VPS37B: variants seen among roughly 807,000 people sequenced by gnomAD.
VPS37B encodes VPS37B subunit of ESCRT-I.
A neutral mutation model predicts 21.2 loss-of-function variants in VPS37B; 11 were observed. That is an observed-to-expected ratio of 0.52 (90% CI 0.33 to 0.86). The LOEUF is 0.86. VPS37B is among the 40% of genes least tolerant of loss of function. VPS37B has a pLI of 0.03. For synonymous variants in VPS37B, 175 were observed against 159.6 expected (o/e 1.10, Z -0.73); for missense variants, 389 against 374.8 (o/e 1.04, Z -0.31).
Position 122,866,666 on chromosome 12 carries a change from C to A in VPS37B, c.*450G>T, listed in dbSNP as rs564067318. 6.5e-6 allele frequency: 1 copy of A among 154,062 alleles called. No individual in the cohort carries two copies. Among genetic ancestry groups the A allele is most frequent in the East Asian group, 1.9e-4 (1 of 5,238 alleles). 9.5% of individuals were successfully genotyped at this position (154,062 alleles called of 1,614,324 possible). On this transcript the variant is annotated 3_prime_UTR_variant, in exon 4 of 4. Coordinates refer to ENST00000267202, the MANE Select transcript of VPS37B (RefSeq NM_024667.3). ...GCCCAGCCACGGCGCTCTTCCAGGC[C>A]GGCCGGCGCCCACCCGCCCTCACCA... is the stretch of plus-strand genomic sequence containing the variant.
At chr12:122,872,363 C>T (rs1003516446) in intron 1 of VPS37B, 1 of 985,352 alleles carries the variant, frequency 1.0e-6, no homozygotes, top group Non-Finnish European at 1.2e-6. Flanking sequence ...CAGCTGCACC[C>T]AGGGCCCTAA....
intron 1 of VPS37B, chr12:122,887,715 T>G (rs1385149757): frequency 6.6e-6 from 1 of 152,264 alleles, no homozygotes; most frequent in Non-Finnish European, 1.5e-5. Flanking sequence ...TGCATGATCC[T>G]AAATGATGAA....
At chr12:122,872,478 G>A in intron 1 of VPS37B, 1 of 985,404 alleles carries the variant, frequency 1.0e-6, no homozygotes, top group South Asian at 4.7e-5. Context: ...AATGTGGGTG[G>A]TAGAAATGCT....
intron 1 of VPS37B, among the ~76,000 whole-genome samples, chr12:122,893,351 G>A (rs2034443742): frequency 6.6e-6 from 1 of 152,146 alleles, no homozygotes. Context: ...AGATACTCAG[G>A]CAGGTGAAGT....
intron 1 of VPS37B, 38 bp from the exon 2 acceptor site, chr12:122,871,099 T>C (rs1317031622): frequency 1.9e-6 from 3 of 1,607,076 alleles, no homozygotes; most frequent in Admixed American, 3.4e-5. Flanking sequence ...ACCAAAAGTA[T>C]ATCAGCTCCT....
chr12:122,867,258 T>C lies in VPS37B; in HGVS notation c.716A>G (p.Gln239Arg). 6.4e-7 allele frequency: 1 copy of C among 1,567,054 alleles called. No homozygotes were observed. The highest frequency in any genetic ancestry group is 8.6e-7 in the Non-Finnish European group (1 of 1,161,528). Reference sequence around the variant, plus strand: ...CACGCGGGGGGGCAGGGGCGGGCACTGTAATCCTGGGTACGGCACGGCCTG... The same window carrying C: ...CACGCGGGGGGGCAGGGGCGGGCACCGTAATCCTGGGTACGGCACGGCCTG... Reference protein sequence around the residue: ...SGQAVPYPGLQCPPLPPRVGL... With the variant: ...SGQAVPYPGLRCPPLPPRVGL... Residue 239 changes from glutamine (Q) to arginine (R), a missense_variant, in exon 4 of 4, where the codon CAG becomes CGG. Gln to Arg is a conservative substitution (Grantham distance 43, BLOSUM62 1). Coordinates refer to ENST00000267202, the MANE Select transcript of VPS37B (RefSeq NM_024667.3). This position sits in a 1 kb window ranked among gnomAD's most constrained non-coding sequence, Gnocchi z 5.5.
intron 1 of VPS37B, chr12:122,878,623 G>A (rs1464513809): frequency 6.9e-6 from 1 of 144,626 alleles, no homozygotes; most frequent in East Asian, 2.1e-4. Context: ...CTAATCCAAT[G>A]ACAAGAGTCC....
chr12:122,872,696 GTA>G (rs2034061573), intron 1 of VPS37B: 2 of 985,018 alleles, frequency 2.0e-6, no homozygotes, highest in Non-Finnish European at 2.4e-6. Flanking sequence ...AAAAACCACT[GTA>G]TGGCCACTCT....
chr12:122,885,522 A>C (rs2034308165), intron 1 of VPS37B: 2 of 152,062 alleles, frequency 1.3e-5, no homozygotes, highest in African/African-American at 4.8e-5. Flanking sequence ...AAAAACTCTA[A>C]AAAATCATCC....
intron 1 of VPS37B, chr12:122,889,416 T>A (rs1041918493): frequency 6.6e-6 from 1 of 152,622 alleles, no homozygotes; most frequent in African/African-American, 2.4e-5. Context: ...TGCTGACAGA[T>A]TAACCTCCCT....
intron 1 of VPS37B, chr12:122,888,712 T>C: frequency 2.6e-6 from 1 of 380,362 alleles, no homozygotes; most frequent in South Asian, 1.8e-5. Flanking sequence ...GTCATCCAAC[T>C]TGTTTCTCTC....
chr12:122,876,409 C>T (rs1314362848), intron 1 of VPS37B: 1 of 152,122 alleles, frequency 6.6e-6, no homozygotes, highest in Non-Finnish European at 1.5e-5. Context: ...ATATGTAACT[C>T]TCTCAGAACA....
At chr12:122,883,285 G>A (rs1808013499) in intron 1 of VPS37B, 1 of 152,138 alleles carries the variant, frequency 6.6e-6, no homozygotes, top group South Asian at 2.1e-4. Flanking sequence ...AGACTCAAAC[G>A]ATCCCCTCCA....
At position 122,867,757 on chromosome 12, in the gene VPS37B, C is replaced by A. The variant is rs988789216; in HGVS notation, c.367-150G>T. The A allele has an allele frequency of 6.6e-6, 7 of 1,052,938 alleles. No homozygotes were observed. Among genetic ancestry groups the A allele is most frequent in the Admixed American group, 4.9e-5 (2 of 40,900 alleles). The allele number at this position is 1,052,938 out of a possible 1,614,324, so 65.2% of individuals were successfully genotyped here. A position where few individuals can be genotyped will look rare whatever the true frequency, so the allele number is the denominator to read the frequency against. The stretch of plus-strand genomic sequence containing the variant: ...AGAGGGCCTCGCTCCTGCTCCAGAT[C>A]CCAGAGGTCATGGGCTCAGGCTTCA... On this transcript the variant is annotated intron_variant, in intron 3 of 3. Transcript: ENST00000267202. The surrounding 1 kb of genome is among the most constrained non-coding windows in gnomAD (Gnocchi z 5.5).
intron 1 of VPS37B, chr12:122,889,055 CA>C: frequency 6.2e-6 from 1 of 160,242 alleles, no homozygotes; most frequent in African/African-American, 2.4e-5. Context: ...ACCACTCACT[CA>C]GCAGCACTAC....
At chr12:122,890,460 T>C (rs559094830) in intron 1 of VPS37B, among the ~76,000 whole-genome samples, 1 of 151,982 alleles carries the variant, frequency 6.6e-6, no homozygotes, top group East Asian at 1.9e-4. Flanking sequence ...GCCTCCTGAA[T>C]ATCTGGGACT....
chr12:122,895,823 C>T (rs539446937), intron 1 of VPS37B, 129 bp downstream of exon 1: 8 of 780,938 alleles, frequency 1.0e-5, no homozygotes, highest in East Asian at 2.9e-5. Flanking sequence ...CCCCAAGCGC[C>T]CCCATTTCTA....
chr12:122,868,476 T>C lies in VPS37B; in HGVS notation c.366+4A>G, dbSNP rs376731051. 4.5e-5 allele frequency: 72 copies of C among 1,612,298 alleles called. No individual in the cohort carries two copies. Among genetic ancestry groups the C allele is most frequent in the Admixed American group, 1.5e-4 (9 of 59,870 alleles). On this transcript the variant is annotated splice_donor_region_variant and intron_variant, in intron 3 of 3. Coordinates refer to ENST00000267202, the MANE Select transcript of VPS37B (RefSeq NM_024667.3). This position sits in a 1 kb window ranked among gnomAD's most constrained non-coding sequence, Gnocchi z 5.5. ...AGGATTCCACCAAGGCTGGTGGGCT[T>C]TACCTCAGTGTCTTCCTCAATCTTG...
chr12:122,868,669 T>A lies in VPS37B; in HGVS notation c.284-107A>T. 1 of 974,930 alleles carries A rather than the reference T, an allele frequency of 1.0e-6. No individual in the cohort carries two copies. The highest frequency in any genetic ancestry group is 1.6e-6 in the Non-Finnish European group (1 of 641,434). 60.4% of individuals were successfully genotyped at this position (974,930 alleles called of 1,614,324 possible). A position where few individuals can be genotyped will look rare whatever the true frequency, so the allele number is the denominator to read the frequency against. On this transcript the variant is annotated intron_variant, in intron 2 of 3. Transcript: ENST00000267202. The surrounding 1 kb of genome is among the most constrained non-coding windows in gnomAD (Gnocchi z 5.5). ...ACCTTCCTTTCCAGGAAGCTGAATGTGAAAGGCTTGAAAACCTACAGGGGA... is the reference window on the plus strand; with the variant it reads ...ACCTTCCTTTCCAGGAAGCTGAATGAGAAAGGCTTGAAAACCTACAGGGGA...
Sources: allele counts gnomAD v4.1 joint callset (sites outside exome capture counted in the v4.1 genomes callset), GRCh38; gene constraint gnomAD v4.1.1; non-coding constraint Gnocchi (gnomAD v3.1); transcripts MANE v1.5; gene names NCBI Gene and HGNC (gene_info 2026-07-23, HGNC 2026-07-21).